The following KANSL1L variants were observed in gnomAD, a reference collection of about 807,000 sequenced individuals.
The protein encoded by KANSL1L is KAT8 regulatory NSL complex subunit 1-like protein.
Under a neutral mutation model 108.6 loss-of-function variants are expected in KANSL1L, and 25 were observed. The ratio of observed to expected loss-of-function variants is 0.23; its 90% CI spans 0.17 to 0.32. The LOEUF (loss-of-function observed/expected upper bound fraction) is 0.32, where lower values mean the gene tolerates loss of function less well. Among genes scored for constraint, KANSL1L ranks in the 10% least tolerant of loss-of-function variants. The pLI, the probability that KANSL1L is intolerant of heterozygous loss-of-function variation, is 1.00. For missense variants in KANSL1L, 1,137 were observed against 1,125.7 expected (o/e 1.01, Z -0.14); for synonymous variants, 405 against 395.1 (o/e 1.03, Z -0.30).
At chr2:210,107,532 ATAT>A (rs1559561831) in intron 3 of KANSL1L, among the ~76,000 whole-genome samples, 3 of 102,474 alleles carry the variant, frequency 2.9e-5, no homozygotes, top group African/African-American at 1.1e-4. Flanking sequence ...ATATATATAT[ATAT>A]TTTTTTTTTT....
chr2:210,065,682 T>C (rs1575461029), intron 6 of KANSL1L, among the ~76,000 whole-genome samples: 1 of 150,742 alleles, frequency 6.6e-6, no homozygotes, highest in East Asian at 2.0e-4. Context: ...GCCTCCCAGG[T>C]TCAAGGGATT....
At chr2:210,110,580 A>G (rs189990744) in intron 3 of KANSL1L, among the ~76,000 whole-genome samples, 2 of 152,356 alleles carry the variant, frequency 1.3e-5, no homozygotes, top group Non-Finnish European at 2.9e-5. Flanking sequence ...CAAAGACAGA[A>G]TTAGCAAATT....
Position 210,084,486 on chromosome 2 carries a change from TA to T in KANSL1L, c.1551-8731del, listed in dbSNP as rs558125624. Among the ~76,000 whole-genome samples the T allele has an allele frequency of 7.2e-5, 11 of 152,302 alleles. No homozygotes were observed. In the South Asian group the frequency reaches 2.3e-3, roughly 32 times the overall value. On this transcript the variant is annotated intron_variant, in intron 5 of 14. Coordinates refer to ENST00000281772, the MANE Select transcript of KANSL1L (RefSeq NM_152519.4). ...AAGTGGGAAATAACTATTTTAAGTA[TA>T]AAAAGCTTCAGATATAATATTAACT...
intron 3 of KANSL1L, among the ~76,000 whole-genome samples, chr2:210,123,976 C>T (rs79832198): frequency 0.011 from 1,628 of 152,188 alleles, 24 homozygotes; most frequent in African/African-American, 0.035. Context: ...AACATTTACA[C>T]ATCTAATAAG....
At chr2:210,093,858 T>C (rs2094713380) in intron 5 of KANSL1L, among the ~76,000 whole-genome samples, 1 of 152,172 alleles carries the variant, frequency 6.6e-6, no homozygotes, top group East Asian at 1.9e-4. Flanking sequence ...AAATGTTGTC[T>C]ATATAAAAAT....
intron 5 of KANSL1L, among the ~76,000 whole-genome samples, chr2:210,089,401 T>C (rs547222084): frequency 1.3e-5 from 2 of 152,176 alleles, no homozygotes; most frequent in African/African-American, 4.8e-5. Context: ...ACATATTAGG[T>C]TGGATTGGAA....
At chr2:210,122,557 C>G (rs2095031451) in intron 3 of KANSL1L, among the ~76,000 whole-genome samples, 1 of 152,040 alleles carries the variant, frequency 6.6e-6, no homozygotes, top group African/African-American at 2.4e-5. Flanking sequence ...AATCTAAGAC[C>G]TCAAACTATG....
At chr2:210,025,051 TTTG>T in intron 13 of KANSL1L, 50 bp downstream of exon 13, 1 of 1,129,378 alleles carries the variant, frequency 8.9e-7, no homozygotes. Flanking sequence ...ATGCAGAGGT[TTTG>T]TTCATTTCAC....
At chr2:210,074,088 T>C (rs537795040) in intron 6 of KANSL1L, among the ~76,000 whole-genome samples, 1 of 152,282 alleles carries the variant, frequency 6.6e-6, no homozygotes, top group Non-Finnish European at 1.5e-5. Flanking sequence ...TCTGGGCATG[T>C]CAAGGAAGGC....
At chr2:210,117,209 GAAAA>G (rs940443998) in intron 3 of KANSL1L, among the ~76,000 whole-genome samples, 1 of 151,694 alleles carries the variant, frequency 6.6e-6, no homozygotes, top group Non-Finnish European at 1.5e-5. Flanking sequence ...AGAGACAAAA[GAAAA>G]AAGAATAAAA....
intron 8 of KANSL1L, among the ~76,000 whole-genome samples, chr2:210,039,573 C>T (rs2094142780): frequency 6.6e-6 from 1 of 151,604 alleles, no homozygotes; most frequent in Non-Finnish European, 1.5e-5. Flanking sequence ...ATTTATATGA[C>T]TTTTCTGATG....
intron 1 of KANSL1L, among the ~76,000 whole-genome samples, chr2:210,159,909 A>C (rs529729752): frequency 1.6e-3 from 242 of 152,238 alleles, no homozygotes; most frequent in African/African-American, 4.6e-3. Flanking sequence ...GGCGGTGGGC[A>C]CCTGTAGTCC....
chr2:210,041,575 A>G (rs778957088), intron 7 of KANSL1L, among the ~76,000 whole-genome samples: 44 of 152,140 alleles, frequency 2.9e-4, no homozygotes, highest in Non-Finnish European at 5.7e-4. Flanking sequence ...AGCTGAGACT[A>G]CGGGTGCACA....
rs772284789 is a variant in KANSL1L at position 210,023,056 on chromosome 2, C to T, written c.2857G>A (p.Gly953Ser). 38 of 1,613,658 alleles carry T rather than the reference C, an allele frequency of 2.4e-5. No homozygotes were observed. Among genetic ancestry groups the T allele is most frequent in the African/African-American group, 2.0e-4 (15 of 74,834 alleles). ...TGGCCATTCTCTGGTACACTGGTAC[C>T]GAAGATTTCACCATGGAAAGCTGTG... ...SSTAFHGEIF[G>S]TSVPENGHHP... The change falls in exon 15 of 15, where the codon GGT (glycine) becomes AGT (serine). Residue 953 changes from glycine to serine, a missense_variant. Gly to Ser is a moderately conservative substitution (Grantham distance 56). This residue lies in a region of KANSL1L where 575 missense variants were observed against 567.1 expected (regional missense o/e 1.01). Coordinates refer to ENST00000281772, the MANE Select transcript of KANSL1L (RefSeq NM_152519.4).
intron 2 of KANSL1L, among the ~76,000 whole-genome samples, chr2:210,150,043 G>T (rs2110315): frequency 0.95 from 144,572 of 152,190 alleles, 69,103 homozygotes; most frequent in East Asian, 1. Flanking sequence ...CCTCTAAAAT[G>T]CAGGTGGGGC....
At chr2:210,058,560 G>C (rs187431662) in intron 6 of KANSL1L, among the ~76,000 whole-genome samples, 2 of 152,142 alleles carry the variant, frequency 1.3e-5, no homozygotes, top group Admixed American at 6.5e-5. Context: ...TTGGCCAGGC[G>C]CAGTGGCTCA....
At chr2:210,065,921 T>C (rs1187548010) in intron 6 of KANSL1L, among the ~76,000 whole-genome samples, 1 of 152,082 alleles carries the variant, frequency 6.6e-6, no homozygotes, top group Non-Finnish European at 1.5e-5. Context: ...GTTCCAAGAC[T>C]TCAAGCCTGA....
At chr2:210,150,420 A>AT (rs1559604732) in intron 2 of KANSL1L, among the ~76,000 whole-genome samples, 2 of 152,216 alleles carry the variant, frequency 1.3e-5, no homozygotes, top group Admixed American at 1.3e-4. Context: ...TCCTCACTAA[A>AT]TTCAAGAAAT....
At position 210,143,955 on chromosome 2, in the gene KANSL1L, C is replaced by T. The variant is rs542284261; in HGVS notation, c.1088+9540G>A. 1.2e-4 allele frequency among the ~76,000 whole-genome samples: 19 copies of T among 152,206 alleles called. No individual in the cohort carries two copies. The South Asian group carries it at 3.9e-3, about 32-fold the overall frequency. On this transcript the variant is annotated intron_variant, in intron 2 of 14. Coordinates refer to ENST00000281772, the MANE Select transcript of KANSL1L (RefSeq NM_152519.4). ...CATATGTTTTCATGTTCCTAATTAG[C>T]ATTCTTTTTCTTTTCAGCCTGAAGA...
Sources: gnomAD v4.1 joint callset for allele counts (sites outside exome capture counted in the v4.1 genomes callset) on GRCh38, gnomAD v4.1.1 for gene constraint, gnomAD v4.1.1 regional missense constraint, MANE v1.5 for transcripts, NCBI Gene and HGNC (gene_info 2026-07-23, HGNC 2026-07-21) for gene names.